Variants in ULK4 observed in about 807,000 individuals in gnomAD.
ULK4 encodes the protein inactive serine/threonine-protein kinase ULK4.
A neutral mutation model predicts 160.6 loss-of-function variants in ULK4; 133 were observed. The observed-to-expected ratio is 0.83, with a 90% CI of 0.72 to 0.96. ULK4 has a LOEUF of 0.96. Ranked by LOEUF, ULK4 falls within the 40% of genes least tolerant of loss-of-function variation. The pLI, the probability that ULK4 is intolerant of heterozygous loss-of-function variation, is 0.00. For missense variants in ULK4, 1,580 were observed against 1,499.5 expected (o/e 1.05, Z -0.89); for synonymous variants, 534 against 539.8 (o/e 0.99, Z 0.15).
chr3:41,507,832 C>T (rs1378587690), intron 32 of ULK4, among the ~76,000 whole-genome samples: 1 of 152,180 alleles, frequency 6.6e-6, no homozygotes, highest in East Asian at 1.9e-4. Flanking sequence ...GCAGGACCAG[C>T]TTGCAGCTCC....
At chr3:41,390,573 T>C (rs1456100509) in intron 35 of ULK4, among the ~76,000 whole-genome samples, 1 of 152,204 alleles carries the variant, frequency 6.6e-6, no homozygotes, top group Non-Finnish European at 1.5e-5. Context: ...TGTGTCTTTG[T>C]TCTCGTTGGT....
At position 41,929,322 on chromosome 3, in the gene ULK4, G is replaced by A. The variant is rs142485147; in HGVS notation, c.541+2522C>T. 9.5e-3 allele frequency among the ~76,000 whole-genome samples: 1,448 copies of A among 152,222 alleles called. 11 individuals are homozygous for A. Among genetic ancestry groups the A allele is most frequent in the Middle Eastern group, 0.017 (5 of 294 alleles). On this transcript the variant is annotated intron_variant, in intron 5 of 36. Coordinates refer to ENST00000301831, the MANE Select transcript of ULK4 (RefSeq NM_017886.4). The stretch of plus-strand genomic sequence containing the variant: ...CATGCTAAAAACTCTCAATAAACTT[G>A]GTATTGATGGAACGTATCTCAAAAT...
chr3:41,899,209 T>C (rs1453331057), intron 13 of ULK4: 1 of 152,220 alleles, frequency 6.6e-6, no homozygotes, highest in Non-Finnish European at 1.5e-5. Flanking sequence ...CACATTCTAC[T>C]GCCCTCCAAA....
At chr3:41,441,077 T>C (rs1049320748) in intron 34 of ULK4, among the ~76,000 whole-genome samples, 1 of 152,102 alleles carries the variant, frequency 6.6e-6, no homozygotes, top group African/African-American at 2.4e-5. Context: ...TTGTTGACCA[T>C]CTCAAAGAAT....
chr3:41,710,398 G>A (rs953188451), intron 25 of ULK4, among the ~76,000 whole-genome samples: 2 of 152,152 alleles, frequency 1.3e-5, no homozygotes, highest in Admixed American at 1.3e-4. Flanking sequence ...TTTTAAGAGA[G>A]ACCTGTCATT....
chr3:41,699,491 G>A (rs561148751), intron 27 of ULK4, among the ~76,000 whole-genome samples: 85 of 152,066 alleles, frequency 5.6e-4, no homozygotes, highest in African/African-American at 1.8e-3. Flanking sequence ...AATATTTTCC[G>A]AAACCACCAT....
At chr3:41,691,407 T>C (rs887546433) in intron 27 of ULK4, among the ~76,000 whole-genome samples, 5 of 151,898 alleles carry the variant, frequency 3.3e-5, no homozygotes, top group African/African-American at 4.8e-5. Context: ...TGTACTTTAC[T>C]TCCTTTTGTT....
At chr3:41,392,685 C>CT (rs2081981282) in intron 35 of ULK4, among the ~76,000 whole-genome samples, 1 of 152,082 alleles carries the variant, frequency 6.6e-6, no homozygotes, top group Admixed American at 6.6e-5. Context: ...TTAGAATACT[C>CT]TTCTTTTTAG....
At chr3:41,758,797 C>A (rs562997541) in intron 21 of ULK4, among the ~76,000 whole-genome samples, 1 of 151,568 alleles carries the variant, frequency 6.6e-6, no homozygotes, top group East Asian at 1.9e-4. Flanking sequence ...GGCGTGAACC[C>A]GGGAGGCGGA....
chr3:41,915,928 T>C (rs1281312944), intron 8 of ULK4, 49 bp downstream of exon 8: 5 of 1,328,306 alleles, frequency 3.8e-6, no homozygotes, highest in East Asian at 2.3e-5. Context: ...CTTACTCCAT[T>C]TGCAGAACTC....
At chr3:41,567,171 GT>G (rs2087809423) in intron 31 of ULK4, among the ~76,000 whole-genome samples, 1 of 152,082 alleles carries the variant, frequency 6.6e-6, no homozygotes, top group African/African-American at 2.4e-5. Context: ...TTGCTGTTGG[GT>G]TGTTTTTTAA....
chr3:41,671,832 A>G (rs2035549827), intron 29 of ULK4, among the ~76,000 whole-genome samples: 1 of 152,064 alleles, frequency 6.6e-6, no homozygotes, highest in Non-Finnish European at 1.5e-5. Context: ...CAAGAGGGGA[A>G]CTAATATCCA....
chr3:41,689,798 C>T (rs1276097459), intron 27 of ULK4, among the ~76,000 whole-genome samples: 1 of 151,764 alleles, frequency 6.6e-6, no homozygotes. Context: ...ACAACAGGTG[C>T]TGGAGAGGAG....
intron 32 of ULK4, among the ~76,000 whole-genome samples, chr3:41,494,663 T>C (rs534690380): frequency 1.4e-4 from 22 of 152,310 alleles, no homozygotes; most frequent in African/African-American, 5.1e-4. Context: ...GACGACATGA[T>C]TGTGTATCTA....
At chr3:41,721,493 G>C (rs1455746449) in intron 22 of ULK4, among the ~76,000 whole-genome samples, 1 of 149,174 alleles carries the variant, frequency 6.7e-6, no homozygotes, top group Non-Finnish European at 1.5e-5. Flanking sequence ...TCAGCCTCCA[G>C]GGAAGCTGAG....
intron 34 of ULK4, among the ~76,000 whole-genome samples, chr3:41,406,946 T>A (rs2082305501): frequency 1.3e-5 from 2 of 152,196 alleles, no homozygotes; most frequent in African/African-American, 4.8e-5. Context: ...ATTAGAGACT[T>A]GAGCGAGTTT....
chr3:41,494,852 A>C (rs2084927574), intron 32 of ULK4, among the ~76,000 whole-genome samples: 2 of 152,150 alleles, frequency 1.3e-5, no homozygotes, highest in Admixed American at 1.3e-4. Context: ...AGAATAAAAT[A>C]CTTAGGAATC....
At chr3:41,498,338 A>G (rs2085064983) in intron 32 of ULK4, among the ~76,000 whole-genome samples, 2 of 152,234 alleles carry the variant, frequency 1.3e-5, no homozygotes, top group Non-Finnish European at 2.9e-5. Context: ...GGGAAATTAG[A>G]AAACATTTCA....
chr3:41,929,326 T>C (rs1477664589), intron 5 of ULK4, among the ~76,000 whole-genome samples: 1 of 152,214 alleles, frequency 6.6e-6, no homozygotes, highest in Non-Finnish European at 1.5e-5. Flanking sequence ...AAACTTGGTA[T>C]TGATGGAACG....
Sources: allele counts gnomAD v4.1 joint callset (sites outside exome capture counted in the v4.1 genomes callset), GRCh38; gene constraint gnomAD v4.1.1; transcripts MANE v1.5; gene names NCBI Gene and HGNC (gene_info 2026-07-23, HGNC 2026-07-21).